KHDRBS2: variants seen among roughly 807,000 people sequenced by gnomAD.
KHDRBS2 encodes KH RNA binding domain containing, signal transduction associated 2, also known as KH domain-containing, RNA-binding, signal transduction-associated protein 2.
In KHDRBS2, 26 loss-of-function variants were observed where a neutral mutation model predicts 44.3. That is an observed-to-expected ratio of 0.59 (90% CI 0.43 to 0.81). The LOEUF is 0.81. Ranked by LOEUF, KHDRBS2 falls within the 40% of genes least tolerant of loss-of-function variation. The pLI is 0.00. For missense variants in KHDRBS2, 476 were observed against 433.1 expected, an observed-to-expected ratio of 1.10 and a Z score of -0.88; for synonymous variants, 194 against 151.1, an observed-to-expected ratio of 1.28 and a Z score of -2.08.
At chr6:62,219,867 GT>G (rs1304941173) in intron 1 of KHDRBS2, among the ~76,000 whole-genome samples, 164 of 146,924 alleles carry the variant, frequency 1.1e-3, no homozygotes, top group Non-Finnish European at 2.0e-3. Context: ...TATGTGCATA[GT>G]TTTATATATA....
intron 1 of KHDRBS2, among the ~76,000 whole-genome samples, chr6:62,284,508 A>ATT (rs1842207956): frequency 6.6e-6 from 1 of 152,048 alleles, no homozygotes; most frequent in Non-Finnish European, 1.5e-5. Context: ...GGGAAAGTAA[A>ATT]AAAAGTTCGT....
At chr6:61,576,324 G>A in the KHDRBS2 span, among the ~76,000 whole-genome samples, 5 of 151,962 alleles carry the variant, frequency 3.3e-5, no homozygotes, top group African/African-American at 1.2e-4. Context: ...GTATGCCTAG[G>A]TATATATATT....
At chr6:62,144,884 T>C (rs940524307) in intron 2 of KHDRBS2, among the ~76,000 whole-genome samples, 1 of 151,906 alleles carries the variant, frequency 6.6e-6, no homozygotes, top group Non-Finnish European at 1.5e-5. Context: ...AAGAAGGTCA[T>C]GTAATAGACC....
rs544901747 is a variant in KHDRBS2, at chr6:62,083,591, T to C, written c.220-35597A>G. Among the ~76,000 whole-genome samples, 7 of 152,222 alleles carry C rather than the reference T, an allele frequency of 4.6e-5. No homozygotes were observed. The South Asian group carries it at 1.2e-3, about 27-fold the overall frequency. On this transcript the variant is annotated intron_variant, in intron 2 of 8. Transcript: ENST00000281156. ...GGTTTTAGGCAACCCCTAGACTCTG[T>C]TGCAGGCCCACATGGAGTTCTGCTC...
At chr6:61,788,680 A>G (rs1441874784) in intron 6 of KHDRBS2, among the ~76,000 whole-genome samples, 1 of 151,314 alleles carries the variant, frequency 6.6e-6, no homozygotes, top group Non-Finnish European at 1.5e-5. Flanking sequence ...GAAAACTCCC[A>G]AGTTTTCTGA....
chr6:61,656,989 G>A, the KHDRBS2 span, among the ~76,000 whole-genome samples: 1 of 151,920 alleles, frequency 6.6e-6, no homozygotes, highest in Non-Finnish European at 1.5e-5. Context: ...AAACAGACTT[G>A]TCTAGGGTGA....
chr6:61,933,859 T>G (rs1188542173), intron 4 of KHDRBS2, among the ~76,000 whole-genome samples: 3 of 152,184 alleles, frequency 2.0e-5, no homozygotes, highest in African/African-American at 7.2e-5. Context: ...ATTTTTAAGT[T>G]TTTAAGGACC....
At chr6:61,599,024 C>A in the KHDRBS2 span, among the ~76,000 whole-genome samples, 1 of 151,866 alleles carries the variant, frequency 6.6e-6, no homozygotes, top group South Asian at 2.1e-4. Context: ...ACCTCCACCT[C>A]CCAGGTTTAA....
chr6:61,628,524 C>A, the KHDRBS2 span, among the ~76,000 whole-genome samples: 1 of 152,114 alleles, frequency 6.6e-6, no homozygotes, highest in Non-Finnish European at 1.5e-5. Context: ...GTAAATGAAT[C>A]CTGTGTTCCA....
rs746518994 is a variant in KHDRBS2 at position 62,285,907 on chromosome 6, T to C, written c.42A>G (p.Lys14=). Residue 14 remains lysine, a synonymous_variant, in exon 1 of 9, where the codon AAA becomes AAG. Transcript: ENST00000281156. ...EKYLPELMAE[K]DSLDPSFVHA... ...GCACAAAAGATGGATCCAGGCTATC[T>C]TTCTCTGCCATCAGCTCAGGCAAAT... is the stretch of plus-strand genomic sequence containing the variant. 5.6e-6 allele frequency: 9 copies of C among 1,613,474 alleles called. No individual in the cohort carries two copies. The African/African-American group carries it at 8.0e-5, about 14-fold the overall frequency.
chr6:61,558,343 C>T, the KHDRBS2 span, among the ~76,000 whole-genome samples: 18 of 152,210 alleles, frequency 1.2e-4, no homozygotes, highest in Middle Eastern at 6.8e-3. Flanking sequence ...AGGTGTGTTG[C>T]TTGAGCCCAG....
chr6:61,589,860 C>T, the KHDRBS2 span, among the ~76,000 whole-genome samples: 1 of 152,122 alleles, frequency 6.6e-6, no homozygotes, highest in Non-Finnish European at 1.5e-5. Context: ...CCCACATTCC[C>T]TATGAGGGTT....
At chr6:61,708,273 A>G (rs1265061064) in intron 7 of KHDRBS2, among the ~76,000 whole-genome samples, 2 of 151,674 alleles carry the variant, frequency 1.3e-5, no homozygotes, top group African/African-American at 2.4e-5. Flanking sequence ...TAAGTATAGG[A>G]ATATTAAAAT....
At position 61,905,854 on chromosome 6, in the gene KHDRBS2, C is replaced by CTTTTTTT. The variant is rs10676797; in HGVS notation, c.484-4490_484-4484dup. On this transcript the variant is annotated intron_variant, in intron 4 of 8. Coordinates refer to ENST00000281156, the MANE Select transcript of KHDRBS2 (RefSeq NM_152688.4). ...AAAAAAAATATGGAACAAAACTTTT[C>CTTTTTTT]TTTTTTTTTTTTTTTTTTTGAGATG... Among the ~76,000 whole-genome samples, 148 of 114,120 alleles carry CTTTTTTT rather than the reference C, an allele frequency of 1.3e-3. 1 individual carries two copies. Among genetic ancestry groups the CTTTTTTT allele is most frequent in the Non-Finnish European group, 1.7e-3 (98 of 58,492 alleles). The allele number at this position is 114,120 out of a possible 152,430, so 74.9% of individuals were successfully genotyped here. A position where few individuals can be genotyped will look rare whatever the true frequency, so the allele number is the denominator to read the frequency against.
chr6:61,620,557 A>AT, the KHDRBS2 span, among the ~76,000 whole-genome samples: 2 of 152,220 alleles, frequency 1.3e-5, no homozygotes, highest in African/African-American at 2.4e-5. Flanking sequence ...AAATTTCACC[A>AT]TTGCAAAAGG....
At chr6:62,139,738 T>A (rs961806722) in intron 2 of KHDRBS2, among the ~76,000 whole-genome samples, 2 of 152,134 alleles carry the variant, frequency 1.3e-5, no homozygotes, top group African/African-American at 4.8e-5. Context: ...ATGAGAAGAA[T>A]AAGTTCATTG....
At chr6:61,860,549 C>T (rs958192943) in intron 6 of KHDRBS2, among the ~76,000 whole-genome samples, 25 of 152,004 alleles carry the variant, frequency 1.6e-4, no homozygotes, top group African/African-American at 5.8e-4. Context: ...AGGACATGAT[C>T]TTGTTCTTTT....
chr6:61,725,306 G>T (rs1000721358), intron 7 of KHDRBS2, among the ~76,000 whole-genome samples: 3 of 151,980 alleles, frequency 2.0e-5, no homozygotes, highest in African/African-American at 7.2e-5. Flanking sequence ...GTGTTAAGAG[G>T]GAAATTTATA....
chr6:61,686,392 T>G (rs1305406396), intron 8 of KHDRBS2, among the ~76,000 whole-genome samples: 3 of 151,768 alleles, frequency 2.0e-5, no homozygotes, highest in Non-Finnish European at 4.4e-5. Flanking sequence ...CAGCTAAGTT[T>G]CTGATGTTTC....
Sources: gnomAD v4.1 joint callset for allele counts (sites outside exome capture counted in the v4.1 genomes callset) on GRCh38, gnomAD v4.1.1 for gene constraint, MANE v1.5 for transcripts, NCBI Gene and HGNC (gene_info 2026-07-23, HGNC 2026-07-21) for gene names.